Variants in GRAMD2B observed in about 807,000 individuals in gnomAD.
GRAMD2B encodes the protein GRAM domain containing 2B, also known as GRAM domain-containing protein 2B.
A neutral mutation model predicts 59.2 loss-of-function variants in GRAMD2B; 41 were observed. That is an observed-to-expected ratio of 0.69 (90% CI 0.54 to 0.90). The LOEUF is 0.90. GRAMD2B is among the 40% of genes least tolerant of loss of function. GRAMD2B has a pLI of 0.00. For synonymous variants in GRAMD2B, 161 were observed against 182.7 expected (o/e 0.88, Z 0.96); for missense variants, 424 against 500.5 (o/e 0.85, Z 1.46).
chr5:126,369,512 C>G (rs1396952451), upstream of GRAMD2B, among the ~76,000 whole-genome samples: 3 of 152,096 alleles, frequency 2.0e-5, no homozygotes, highest in Non-Finnish European at 4.4e-5. Context: ...AATTCACTGC[C>G]TTTCTATCGC....
At chr5:126,439,328 C>CTTTTT (rs930960414) in intron 1 of GRAMD2B, among the ~76,000 whole-genome samples, 9,162 of 122,286 alleles carry the variant, frequency 0.075, 1,140 homozygotes, top group African/African-American at 0.23. Context: ...TTTGGTTTTG[C>CTTTTT]TTTTTTTTTT....
intron 1 of GRAMD2B, among the ~76,000 whole-genome samples, chr5:126,361,985 G>A (rs1220238896): frequency 6.6e-6 from 1 of 152,180 alleles, no homozygotes; most frequent in African/African-American, 2.4e-5. Flanking sequence ...ATGCACACAA[G>A]CATGTTAAGC....
intron 1 of GRAMD2B, among the ~76,000 whole-genome samples, chr5:126,362,695 G>C (rs1354771538): frequency 6.6e-6 from 1 of 152,132 alleles, no homozygotes; most frequent in Admixed American, 6.6e-5. Flanking sequence ...TAACATTTAT[G>C]GTTAATTAAT....
chr5:126,429,119 A>G (rs2149795330), intron 1 of GRAMD2B, among the ~76,000 whole-genome samples: 1 of 152,300 alleles, frequency 6.6e-6, no homozygotes, highest in African/African-American at 2.4e-5. Context: ...TCACAATAGC[A>G]AAGACATGGA....
At chr5:126,463,654 A>G (rs1187610643) in intron 1 of GRAMD2B, among the ~76,000 whole-genome samples, 1 of 152,210 alleles carries the variant, frequency 6.6e-6, no homozygotes, top group East Asian at 1.9e-4. Context: ...TTGAAGAAAT[A>G]GAAGGTTGGA....
upstream of GRAMD2B, among the ~76,000 whole-genome samples, chr5:126,368,759 TATAATAAGGATTA>T (rs1265750728): frequency 6.6e-6 from 1 of 152,208 alleles, no homozygotes; most frequent in Non-Finnish European, 1.5e-5. Context: ...CACAATTTCT[TATAATAAGGATTA>T]ACTCAACATC....
Position 126,484,542 on chromosome 5 carries a change from CA to C in GRAMD2B, c.970+19del, listed in dbSNP as rs751158226. The C allele has an allele frequency of 2.3e-5, 37 of 1,596,778 alleles. 1 individual carries two copies. In the South Asian group the frequency reaches 3.5e-4, roughly 15 times the overall value. On this transcript the variant is annotated intron_variant, in intron 10 of 13. Transcript: ENST00000285689. ...TGTACAGGGTAAGGAATGGATGTCT[CA>C]GGGGGGTGGGTTTAGAAGGATTGGA...
intron 1 of GRAMD2B, among the ~76,000 whole-genome samples, chr5:126,450,904 C>T (rs1035601807): frequency 1.3e-5 from 2 of 152,204 alleles, no homozygotes; most frequent in East Asian, 3.9e-4. Context: ...AGAAGCCTGT[C>T]GCGCGGCGTA....
chr5:126,492,707 C>T (rs990743328), intron 13 of GRAMD2B, among the ~76,000 whole-genome samples: 1 of 151,978 alleles, frequency 6.6e-6, no homozygotes, highest in African/African-American at 2.4e-5. Context: ...GGTGACAGAG[C>T]GAGACCCTTT....
intron 6 of GRAMD2B, among the ~76,000 whole-genome samples, chr5:126,478,521 G>A (rs1353242506): frequency 3.3e-5 from 5 of 152,172 alleles, no homozygotes; most frequent in African/African-American, 2.4e-5. Flanking sequence ...TGGGCAGATC[G>A]CTTGAGTCCA....
intron 1 of GRAMD2B, among the ~76,000 whole-genome samples, chr5:126,439,982 C>G (rs183059055): frequency 6.6e-6 from 1 of 152,232 alleles, no homozygotes; most frequent in African/African-American, 2.4e-5. Flanking sequence ...GATTGTGAGG[C>G]CTCCGCAGTC....
intron 1 of GRAMD2B, among the ~76,000 whole-genome samples, chr5:126,376,423 T>C (rs968496329): frequency 2.0e-5 from 3 of 152,366 alleles, no homozygotes; most frequent in Middle Eastern, 6.8e-3. Context: ...AATGCATCTG[T>C]GTCTTCTCCT....
At chr5:126,413,235 C>G (rs1043220076) in intron 1 of GRAMD2B, among the ~76,000 whole-genome samples, 9 of 152,018 alleles carry the variant, frequency 5.9e-5, no homozygotes, top group Admixed American at 2.6e-4. Context: ...TTGAGGTGGA[C>G]ATTTAGCACT....
chr5:126,374,420 G>C (rs545146890), intron 1 of GRAMD2B, among the ~76,000 whole-genome samples: 23 of 152,000 alleles, frequency 1.5e-4, no homozygotes, highest in African/African-American at 5.5e-4. Flanking sequence ...GGTCACTATC[G>C]TTTTCTTCTT....
At chr5:126,461,419 G>A (rs80030499) in intron 1 of GRAMD2B, among the ~76,000 whole-genome samples, 1 of 152,212 alleles carries the variant, frequency 6.6e-6, no homozygotes, top group Admixed American at 6.5e-5. Flanking sequence ...GATAGGGATT[G>A]TACAACCTGT....
intron 1 of GRAMD2B, chr5:126,433,691 A>C (rs976548244): frequency 1.3e-5 from 2 of 152,190 alleles, no homozygotes; most frequent in African/African-American, 2.4e-5. Context: ...TCTACGTCCT[A>C]ATTGGCACAG....
At chr5:126,365,493 G>A (rs566842482) in intron 1 of GRAMD2B, among the ~76,000 whole-genome samples, 13 of 152,322 alleles carry the variant, frequency 8.5e-5, no homozygotes, top group African/African-American at 3.1e-4. Flanking sequence ...TGGTAACTCT[G>A]AGGTCAAATG....
upstream of GRAMD2B, among the ~76,000 whole-genome samples, chr5:126,368,362 A>G (rs1434154402): frequency 5.3e-5 from 8 of 152,372 alleles, no homozygotes; most frequent in South Asian, 8.3e-4. Context: ...GTCAACTGCC[A>G]TTAATCTTGA....
At chr5:126,429,720 T>A (rs1761253900) in intron 1 of GRAMD2B, among the ~76,000 whole-genome samples, 2 of 152,184 alleles carry the variant, frequency 1.3e-5, no homozygotes, top group Admixed American at 1.3e-4. Flanking sequence ...AGAGGTCAAA[T>A]GCTTACAGTA....
Sources: gnomAD v4.1 joint callset for allele counts (sites outside exome capture counted in the v4.1 genomes callset) on GRCh38, gnomAD v4.1.1 for gene constraint, MANE v1.5 for transcripts, NCBI Gene and HGNC (gene_info 2026-07-23, HGNC 2026-07-21) for gene names.